CLCN7: variants seen among roughly 807,000 people sequenced by gnomAD.
The protein encoded by CLCN7 is Cl-/H+ antiporter 7.
A neutral mutation model predicts 102.1 loss-of-function variants in CLCN7; 60 were observed. That is an observed-to-expected ratio of 0.59 (90% CI 0.48 to 0.73). CLCN7 has a LOEUF of 0.73. Ranked by LOEUF, CLCN7 falls within the 30% of genes least tolerant of loss-of-function variation. The pLI, the probability that CLCN7 is intolerant of heterozygous loss-of-function variation, is 0.00. For synonymous variants in CLCN7, 560 were observed against 490.5 expected, an observed-to-expected ratio of 1.14 and a Z score of -1.87; for missense variants, 962 against 1,125.7, an observed-to-expected ratio of 0.85 and a Z score of 2.08.
rs1318556681 is a variant in CLCN7, at chr16:1,474,825, C to T, written c.141+9G>A. On this transcript the variant is annotated intron_variant, in intron 1 of 24. Coordinates refer to ENST00000382745, the MANE Select transcript of CLCN7 (RefSeq NM_001287.6). The stretch of plus-strand genomic sequence containing the variant: ...TCAGTTTCCCCGCCTGCGCCCTGCC[C>T]GGCCTCACCTGGCGCGCAGCCCCAG... 2 of 1,336,624 alleles carry T rather than the reference C, an allele frequency of 1.5e-6. No homozygotes were observed. The highest frequency in any genetic ancestry group is 1.9e-6 in the Non-Finnish European group (2 of 1,043,554). 82.8% of individuals were successfully genotyped at this position (1,336,624 alleles called of 1,614,324 possible).
At position 1,455,158 on chromosome 16, in the gene CLCN7, G is replaced by C. The variant is rs1435067199; in HGVS notation, c.1074C>G (p.Ile358Met). 1.9e-6 allele frequency: 3 copies of C among 1,612,342 alleles called. No individual in the cohort carries two copies. The highest frequency in any genetic ancestry group is 2.5e-6 in the Non-Finnish European group (3 of 1,178,410). The change falls in exon 12 of 25, where the codon ATC (isoleucine) becomes ATG (methionine). Residue 358 changes from isoleucine to methionine, a missense_variant. By Grantham distance (10) the Ile-to-Met change is conservative (BLOSUM62 1). Transcript: ENST00000382745. ...CCTCCGAGTCAAACCTTCCGAAGTTGATGAGGCCTGGGCTGGACAGGTCCC... is the reference window on the plus strand; with the variant it reads ...CCTCCGAGTCAAACCTTCCGAAGTTCATGAGGCCTGGGCTGGACAGGTCCC... ...NMWDLSSPGL[I>M]NFGRFDSEKM...
chr16:1,455,148 T>A lies in CLCN7; in HGVS notation c.1084A>T (p.Arg362Trp). Reference sequence around the variant, plus strand: ...GGGCAGGTTACCTCCGAGTCAAACCTTCCGAAGTTGATGAGGCCTGGGCTG... The same window carrying A: ...GGGCAGGTTACCTCCGAGTCAAACCATCCGAAGTTGATGAGGCCTGGGCTG... ...LSSPGLINFG[R>W]FDSEKMAYTI... Residue 362 changes from arginine (R) to tryptophan (W), a missense_variant, in exon 12 of 25, where the codon AGG (arginine) becomes TGG (tryptophan). Arg to Trp is a moderately radical substitution (Grantham distance 101, BLOSUM62 -3). This residue lies in a region of CLCN7 where 799 missense variants were observed against 988.0 expected (regional missense o/e 0.81). Transcript: ENST00000382745. The A allele has an allele frequency of 6.2e-7, 1 of 1,609,620 alleles. No homozygotes were observed. Among genetic ancestry groups the A allele is most frequent in the Non-Finnish European group, 8.5e-7 (1 of 1,175,916 alleles).
At chr16:1,458,260 C>T (rs1394740896) in intron 7 of CLCN7, among the ~76,000 whole-genome samples, 1 of 152,256 alleles carries the variant, frequency 6.6e-6, no homozygotes, top group African/African-American at 2.4e-5. Flanking sequence ...TATCAGCCTC[C>T]CTGCCCCAGG....
At chr16:1,450,459 C>A in intron 17 of CLCN7, 38 bp downstream of exon 17, 1 of 1,557,948 alleles carries the variant, frequency 6.4e-7, no homozygotes, top group Non-Finnish European at 8.7e-7. Context: ...CCTGGCTCAG[C>A]TGCAGGGCCC....
In CLCN7 at chr16:1,460,459, C is replaced by T. The variant is rs200960952; in HGVS notation, c.553G>A (p.Ala185Thr). Residue 185 changes from alanine (A) to threonine (T), a missense_variant, in exon 6 of 25, where the codon GCC becomes ACC. Ala to Thr is a moderately conservative substitution (Grantham distance 58). Around this residue, in one of 2 missense-constraint regions of CLCN7, gnomAD observed 799 missense variants for 988.0 expected, o/e 0.81. Transcript: ENST00000382745. ...ATCACAGAGCCCACGAGCACGAAGG[C>T]GGCGTTCAGCGTGGCCCACAGCAAC... The part of the protein sequence containing the change: ...SLLLWATLNA[A>T]FVLVGSVIVA... 4.5e-5 allele frequency: 73 copies of T among 1,613,800 alleles called. No individual in the cohort carries two copies. The highest frequency in any genetic ancestry group is 1.0e-4 in the Admixed American group (6 of 60,020).
chr16:1,464,105 G>C (rs79201084), intron 2 of CLCN7, among the ~76,000 whole-genome samples: 2,317 of 152,194 alleles, frequency 0.015, 53 homozygotes, highest in African/African-American at 0.053. Flanking sequence ...AGCAACAAAA[G>C]ACACCACTGA....
chr16:1,464,279 C>T (rs2038975244), intron 2 of CLCN7, among the ~76,000 whole-genome samples: 1 of 152,206 alleles, frequency 6.6e-6, no homozygotes, highest in Admixed American at 6.5e-5. Context: ...CGGCCAGGCA[C>T]CCGCTCCAGG....
At chr16:1,452,631 C>T in intron 15 of CLCN7, 124 bp downstream of exon 15, 1 of 1,037,708 alleles carries the variant, frequency 9.6e-7, no homozygotes, top group Admixed American at 2.3e-5. Flanking sequence ...TGAGACACGC[C>T]AGCCCATGCG....
chr16:1,449,618 C>T (rs759196828), intron 17 of CLCN7: 8 of 538,854 alleles, frequency 1.5e-5, no homozygotes, highest in Non-Finnish European at 2.3e-5. Flanking sequence ...GAGCACCGTC[C>T]AGCATGAGGA....
intron 9 of CLCN7, among the ~76,000 whole-genome samples, chr16:1,456,907 T>C (rs995720247): frequency 6.6e-6 from 1 of 151,934 alleles, no homozygotes; most frequent in Non-Finnish European, 1.5e-5. Flanking sequence ...GGGGACTTTT[T>C]TGGGGAAAAA....
chr16:1,465,712 G>A (rs1448417417), intron 1 of CLCN7, among the ~76,000 whole-genome samples: 1 of 152,198 alleles, frequency 6.6e-6, no homozygotes, highest in Non-Finnish European at 1.5e-5. Context: ...CCCTGCTCCC[G>A]AGGCCCTGCT....
chr16:1,465,324 C>A lies in CLCN7; in HGVS notation c.156G>T (p.Ala52=). The A allele has an allele frequency of 6.2e-7, 1 of 1,613,614 alleles. No homozygotes were observed. The highest frequency in any genetic ancestry group is 8.5e-7 in the Non-Finnish European group (1 of 1,179,886). Residue 52 remains alanine (A), a synonymous_variant, in exon 2 of 25, where the codon GCG becomes GCT. Transcript: ENST00000382745. ...TGCTCATATGTCCGACTCGGAAAAGCGCAGAACGTGGTGACTAAAAGCAGA... is the reference window on the plus strand; with the variant it reads ...TGCTCATATGTCCGACTCGGAAAAGAGCAGAACGTGGTGACTAAAAGCAGA... ...PGAARQSPRS[A]LFRVGHMSSV...
At chr16:1,456,701 C>T (rs150210916) in intron 9 of CLCN7, among the ~76,000 whole-genome samples, 329 of 152,154 alleles carry the variant, frequency 2.2e-3, no homozygotes, top group African/African-American at 5.5e-3. Context: ...CTTAGCCAGG[C>T]GTGGTGGCGG....
chr16:1,461,231 T>A lies in CLCN7; in HGVS notation c.351+174A>T, dbSNP rs540031843. Among the ~76,000 whole-genome samples, 17 of 152,302 alleles carry A rather than the reference T, an allele frequency of 1.1e-4. No homozygotes were observed. The South Asian group carries it at 3.5e-3, about 32-fold the overall frequency. ...GTAAGAGCAGCCTTCTTGGTTACGG[T>A]GACCGTGACCCTCCCACTGTCTCTA... On this transcript the variant is annotated intron_variant, in intron 4 of 24. Coordinates refer to ENST00000382745, the MANE Select transcript of CLCN7 (RefSeq NM_001287.6).
intron 13 of CLCN7, among the ~76,000 whole-genome samples, 196 bp from the exon 14 acceptor site, chr16:1,454,090 G>GC (rs1368863887): frequency 2.6e-5 from 4 of 152,258 alleles, no homozygotes; most frequent in African/African-American, 7.2e-5. Context: ...CAAAGGCTCT[G>GC]CCTTCCTTCC....
At position 1,446,580 on chromosome 16, in the gene CLCN7, C is replaced by G; in HGVS notation, c.*51G>C. On this transcript the variant is annotated 3_prime_UTR_variant, in exon 25 of 25. Coordinates refer to ENST00000382745, the MANE Select transcript of CLCN7 (RefSeq NM_001287.6). Reference sequence around the variant, plus strand: ...AAACCAGTGACTCCGGGAGGAAATGCAGAAGGGCCGGGGTGCCAGCGCCAG... The same window carrying G: ...AAACCAGTGACTCCGGGAGGAAATGGAGAAGGGCCGGGGTGCCAGCGCCAG... 1 of 1,466,284 alleles carries G rather than the reference C, an allele frequency of 6.8e-7. No individual in the cohort carries two copies. Among genetic ancestry groups the G allele is most frequent in the South Asian group, 1.2e-5 (1 of 82,578 alleles). The allele number at this position is 1,466,284 out of a possible 1,614,324, so 90.8% of individuals were successfully genotyped here. A position where few individuals can be genotyped will look rare whatever the true frequency, so the allele number is the denominator to read the frequency against.
chr16:1,458,136 C>T (rs2038869023), intron 7 of CLCN7, among the ~76,000 whole-genome samples: 1 of 152,220 alleles, frequency 6.6e-6, no homozygotes, highest in Non-Finnish European at 1.5e-5. Context: ...TCCTCATACA[C>T]CCCTGGCACT....
At chr16:1,468,488 G>A (rs750545798) in intron 1 of CLCN7, among the ~76,000 whole-genome samples, 15 of 152,212 alleles carry the variant, frequency 9.9e-5, no homozygotes, top group Admixed American at 2.6e-4. Flanking sequence ...AATGCATTCC[G>A]TGCGGTTACT....
chr16:1,451,156 T>C (rs1035446948), intron 16 of CLCN7, among the ~76,000 whole-genome samples: 4 of 152,190 alleles, frequency 2.6e-5, no homozygotes, highest in African/African-American at 9.7e-5. Context: ...CGTGAAACAC[T>C]TGTGGTCGAG....
Sources: allele counts gnomAD v4.1 joint callset (sites outside exome capture counted in the v4.1 genomes callset), GRCh38; gene constraint gnomAD v4.1.1; regional missense constraint gnomAD v4.1.1; transcripts MANE v1.5; gene names NCBI Gene and HGNC (gene_info 2026-07-23, HGNC 2026-07-21).